The following CACNA1C variants were observed in gnomAD, a reference collection of about 807,000 sequenced individuals.
CACNA1C encodes voltage-dependent L-type calcium channel subunit alpha-1C.
Under a neutral mutation model 229.0 loss-of-function variants are expected in CACNA1C, and 30 were observed. The observed-to-expected ratio is 0.13, with a 90% CI of 0.10 to 0.18. CACNA1C has a LOEUF of 0.18. CACNA1C is among the 10% of genes least tolerant of loss of function. The probability of loss-of-function intolerance (pLI) is 1.00; values close to 1 mark genes in which losing one functional copy is unlikely to be tolerated. For missense variants in CACNA1C, 1,658 were observed against 2,845.0 expected (o/e 0.58, Z 9.49); for synonymous variants, 1,114 against 1,132.5 (o/e 0.98, Z 0.33).
intron 1 of CACNA1C, among the ~76,000 whole-genome samples, chr12:1,995,876 C>T (rs575666109): frequency 1.3e-5 from 2 of 152,260 alleles, no homozygotes; most frequent in East Asian, 3.9e-4. Context: ...CCATCTCCAG[C>T]CCTGCCCTTA....
Position 2,597,099 on chromosome 12 carries a change from A to G in CACNA1C, c.2794-131A>G. The G allele has an allele frequency of 1.5e-6, 1 of 662,802 alleles. No individual in the cohort carries two copies. Among genetic ancestry groups the G allele is most frequent in the South Asian group, 1.9e-5 (1 of 53,660 alleles). 41.1% of individuals were successfully genotyped at this position (662,802 alleles called of 1,614,324 possible). Reference sequence around the variant, plus strand: ...CCATGTCCATCTGTGTCCCTGTGCAAAGGCTTAAGTGCCAGGCATCTCATT... The same window carrying G: ...CCATGTCCATCTGTGTCCCTGTGCAGAGGCTTAAGTGCCAGGCATCTCATT... On this transcript the variant is annotated intron_variant, in intron 20 of 46. Transcript: ENST00000399655. This position sits in a 1 kb window ranked among gnomAD's most constrained non-coding sequence, Gnocchi z 4.3.
intron 4 of CACNA1C, among the ~76,000 whole-genome samples, chr12:2,455,586 T>C (rs913295190): frequency 3.3e-5 from 5 of 152,200 alleles, no homozygotes; most frequent in African/African-American, 1.2e-4. Context: ...CAGATTTCTG[T>C]TGGCCAGGGC....
chr12:2,081,637 T>C (rs1251069132), intron 1 of CACNA1C, among the ~76,000 whole-genome samples: 3 of 152,132 alleles, frequency 2.0e-5, no homozygotes, highest in Non-Finnish European at 4.4e-5. Flanking sequence ...AAGTGATCTG[T>C]GCTGAGAGAA....
intron 3 of CACNA1C, among the ~76,000 whole-genome samples, chr12:2,355,986 G>A (rs754894921): frequency 1.6e-4 from 25 of 152,166 alleles, no homozygotes; most frequent in Admixed American, 2.0e-4. Context: ...CTCCAGGCCC[G>A]CAACCCCCAG....
In CACNA1C at chr12:2,108,495, G is replaced by T. The variant is rs1427146490; in HGVS notation, c.50-6729G>T. On this transcript the variant is annotated intron_variant, in intron 1 of 46. Coordinates refer to ENST00000399655, the MANE Select transcript of CACNA1C (RefSeq NM_000719.7). This position sits in a 1 kb window ranked among gnomAD's most constrained non-coding sequence, Gnocchi z 5.3. ...ATGCTTCCCCACCTGACGTAGTTTT[G>T]ATTCAGTTCTTGATTGGCAAAAGTT... Among the ~76,000 whole-genome samples, 2 of 152,232 alleles carry T rather than the reference G, an allele frequency of 1.3e-5. No individual in the cohort carries two copies. The highest frequency in any genetic ancestry group is 4.8e-5 in the African/African-American group (2 of 41,464).
intron 3 of CACNA1C, among the ~76,000 whole-genome samples, chr12:2,314,719 A>G (rs963969526): frequency 6.6e-6 from 1 of 152,228 alleles, no homozygotes; most frequent in South Asian, 2.1e-4. Flanking sequence ...ATCAGTGTAT[A>G]GTGTTCCATT....
chr12:2,204,337 A>G (rs1032422045), intron 3 of CACNA1C, among the ~76,000 whole-genome samples: 41 of 151,986 alleles, frequency 2.7e-4, no homozygotes, highest in Non-Finnish European at 4.4e-4. Context: ...AGTTCATTGT[A>G]GATTCTGGAT....
chr12:1,988,615 G>A (rs1230779022), intron 1 of CACNA1C, among the ~76,000 whole-genome samples: 3 of 152,146 alleles, frequency 2.0e-5, no homozygotes, highest in African/African-American at 7.2e-5. Context: ...TCATCCTTTG[G>A]GTTTATGTCT....
chr12:2,067,526 A>C lies in CACNA1C; in HGVS notation c.49+13915A>C, dbSNP rs2059825266. Among the ~76,000 whole-genome samples, 1 of 151,924 alleles carries C rather than the reference A, an allele frequency of 6.6e-6. No homozygotes were observed. Among genetic ancestry groups the C allele is most frequent in the Non-Finnish European group, 1.5e-5 (1 of 67,986 alleles). ...TATGTAAGGGCAGGCACATGAAGAC[A>C]GACTTTATTGGTTTCACAGTTTGGC... is the stretch of plus-strand genomic sequence containing the variant. On this transcript the variant is annotated intron_variant, in intron 1 of 46. Transcript: ENST00000399655. This position sits in a 1 kb window ranked among gnomAD's most constrained non-coding sequence, Gnocchi z 5.3.
chr12:2,383,720 G>A (rs1403919161), intron 3 of CACNA1C, among the ~76,000 whole-genome samples: 1 of 152,182 alleles, frequency 6.6e-6, no homozygotes, highest in East Asian at 1.9e-4. Flanking sequence ...CTCAAACCAC[G>A]TCAAAATAGA....
intron 1 of CACNA1C, among the ~76,000 whole-genome samples, chr12:1,985,259 T>C (rs1036663016): frequency 2.0e-5 from 3 of 152,202 alleles, no homozygotes; most frequent in Non-Finnish European, 4.4e-5. Context: ...GACCTTCTGA[T>C]ATTGCCCCAC....
intron 27 of CACNA1C, among the ~76,000 whole-genome samples, chr12:2,609,474 C>T (rs1467028021): frequency 6.6e-6 from 1 of 151,476 alleles, no homozygotes; most frequent in African/African-American, 2.4e-5. Flanking sequence ...GGCATAGACT[C>T]ACTCTGCTGG....
chr12:2,070,402 C>CT (rs138995468), intron 1 of CACNA1C, among the ~76,000 whole-genome samples: 1,920 of 152,282 alleles, frequency 0.013, 49 homozygotes, highest in African/African-American at 0.044. Flanking sequence ...TCCTTTTCTT[C>CT]TTTCTGAGTT....
chr12:2,535,235 A>G (rs2099850413), intron 9 of CACNA1C, among the ~76,000 whole-genome samples: 2 of 151,942 alleles, frequency 1.3e-5, no homozygotes, highest in African/African-American at 4.8e-5. Flanking sequence ...TAAAAATACA[A>G]AAAATTAGCC....
At position 2,281,106 on chromosome 12, in the gene CACNA1C, T is replaced by TC. The variant is rs1479398338; in HGVS notation, c.477+160682dup. Among the ~76,000 whole-genome samples, 4 of 94,036 alleles carry TC rather than the reference T, an allele frequency of 4.3e-5. 1 individual carries two copies. The East Asian group carries it at 1.4e-3, about 34-fold the overall frequency. The allele number at this position is 94,036 out of a possible 152,430, so 61.7% of individuals were successfully genotyped here. A position where few individuals can be genotyped will look rare whatever the true frequency, so the allele number is the denominator to read the frequency against. Reference sequence around the variant, plus strand: ...GAGGTATATCTCCAAATGCTCTCCCTCCCCCCGCCCCCACCCCACAACAGG... The same window carrying TC: ...GAGGTATATCTCCAAATGCTCTCCCTCCCCCCCGCCCCCACCCCACAACAGG... On this transcript the variant is annotated intron_variant, in intron 3 of 46. Transcript: ENST00000399655.
rs567959870 is a variant in CACNA1C at position 2,083,640 on chromosome 12, G to A, written c.49+30029G>A. Among the ~76,000 whole-genome samples, 50 of 152,344 alleles carry A rather than the reference G, an allele frequency of 3.3e-4. No homozygotes were observed. The South Asian group carries it at 9.9e-3, about 30-fold the overall frequency. On this transcript the variant is annotated intron_variant, in intron 1 of 46. Coordinates refer to ENST00000399655, the MANE Select transcript of CACNA1C (RefSeq NM_000719.7). Reference sequence around the variant, plus strand: ...GAGAATTTATGATACTGAAGAAAATGCTGTGTAAACTTTAAAACAATACAA... The same window carrying A: ...GAGAATTTATGATACTGAAGAAAATACTGTGTAAACTTTAAAACAATACAA...
chr12:2,174,938 C>G (rs986668032), intron 3 of CACNA1C, among the ~76,000 whole-genome samples: 1 of 152,046 alleles, frequency 6.6e-6, no homozygotes, highest in Non-Finnish European at 1.5e-5. Context: ...TCACATTGAG[C>G]AGACTGAGGA....
chr12:2,017,143 T>TG (rs2154485695), intron 1 of CACNA1C, among the ~76,000 whole-genome samples: 1 of 152,248 alleles, frequency 6.6e-6, no homozygotes, highest in South Asian at 2.1e-4. Context: ...TTTAGAAAAT[T>TG]GGAAAGGCTG....
chr12:2,318,811 G>A (rs1283735617), intron 3 of CACNA1C, among the ~76,000 whole-genome samples: 2 of 151,976 alleles, frequency 1.3e-5, no homozygotes, highest in South Asian at 2.1e-4. Flanking sequence ...AGAAGGTGGG[G>A]GACAGGGAGT....
Sources: gnomAD v4.1 joint callset for allele counts (sites outside exome capture counted in the v4.1 genomes callset) on GRCh38, gnomAD v4.1.1 for gene constraint, Gnocchi (gnomAD v3.1) non-coding constraint, MANE v1.5 for transcripts, NCBI Gene and HGNC (gene_info 2026-07-23, HGNC 2026-07-21) for gene names.